Variants in ERG observed in about 807,000 individuals in gnomAD.
ERG encodes the protein ETS transcription factor ERG.
A neutral mutation model predicts 55.3 loss-of-function variants in ERG; 9 were observed. The ratio of observed to expected loss-of-function variants is 0.16; its 90% confidence interval spans 0.10 to 0.28. The LOEUF is 0.28. Among genes scored for constraint, ERG ranks in the 10% least tolerant of loss-of-function variants. The pLI is 1.00. For missense variants in ERG, 434 were observed against 631.6 expected, an observed-to-expected ratio of 0.69 and a Z score of 3.35; for synonymous variants, 223 against 237.3, an observed-to-expected ratio of 0.94 and a Z score of 0.55.
intron 2 of ERG, among the ~76,000 whole-genome samples, chr21:38,513,709 T>C (rs2059531287): frequency 6.6e-6 from 1 of 152,036 alleles, no homozygotes; most frequent in African/African-American, 2.4e-5. Context: ...TTTCTGTGGG[T>C]GAGCTTCCAT....
intron 9 of ERG, among the ~76,000 whole-genome samples, chr21:38,384,573 AT>A (rs149133938): frequency 0.033 from 5,051 of 151,652 alleles, 190 homozygotes; most frequent in African/African-American, 0.093. Flanking sequence ...AGAGCTATAT[AT>A]TTTTTTTTCC....
At chr21:38,497,224 T>TCAAATTATGAAATTAC (rs2059387129) in intron 1 of ERG, among the ~76,000 whole-genome samples, 1 of 152,200 alleles carries the variant, frequency 6.6e-6, no homozygotes, top group Non-Finnish European at 1.5e-5. Context: ...TACAAACATT[T>TCAAATTATGAAATTAC]CAAATTATGA....
At chr21:38,654,108 TTAG>T (rs1245544304) in intron 1 of ERG, among the ~76,000 whole-genome samples, 2 of 152,242 alleles carry the variant, frequency 1.3e-5, no homozygotes, top group Non-Finnish European at 2.9e-5. Flanking sequence ...TTTACAAGCC[TTAG>T]AAAACTGTAA....
chr21:38,463,655 C>T (rs1343773407), intron 1 of ERG, among the ~76,000 whole-genome samples: 1 of 152,070 alleles, frequency 6.6e-6, no homozygotes, highest in Non-Finnish European at 1.5e-5. Flanking sequence ...CTGGGTAAAT[C>T]AAAATGGTGG....
intron 1 of ERG, among the ~76,000 whole-genome samples, chr21:38,629,476 G>T (rs2060344637): frequency 6.6e-6 from 1 of 152,164 alleles, no homozygotes; most frequent in Non-Finnish European, 1.5e-5. Context: ...ACTCAAAAAT[G>T]GGCAAAGGAC....
At chr21:38,589,946 C>T (rs527904787) in intron 1 of ERG, among the ~76,000 whole-genome samples, 2 of 152,198 alleles carry the variant, frequency 1.3e-5, no homozygotes, top group Admixed American at 6.5e-5. Context: ...TCAAAAAAGT[C>T]GCTTTCAGCT....
intron 1 of ERG, among the ~76,000 whole-genome samples, chr21:38,614,953 CA>C (rs2060250012): frequency 6.6e-6 from 1 of 152,190 alleles, no homozygotes; most frequent in Non-Finnish European, 1.5e-5. Context: ...AAGTGTGTAT[CA>C]GAGGTGAAGT....
chr21:38,638,635 C>G (rs767219531), intron 1 of ERG, among the ~76,000 whole-genome samples: 4 of 152,112 alleles, frequency 2.6e-5, no homozygotes, highest in Non-Finnish European at 5.9e-5. Context: ...GTGAGGGGAC[C>G]TCCCTGCCAG....
chr21:38,488,827 A>T (rs562076445), intron 1 of ERG, among the ~76,000 whole-genome samples: 16 of 152,370 alleles, frequency 1.1e-4, no homozygotes, highest in African/African-American at 3.4e-4. Context: ...CATGTTACTC[A>T]TAGACAAGTC....
At chr21:38,655,635 A>T (rs2060514448) in intron 1 of ERG, among the ~76,000 whole-genome samples, 2 of 152,232 alleles carry the variant, frequency 1.3e-5, no homozygotes, top group African/African-American at 2.4e-5. Context: ...AGAACCATTT[A>T]ATCAGGCCAA....
chr21:38,396,374 C>T (rs546500846), intron 6 of ERG, among the ~76,000 whole-genome samples: 2 of 152,332 alleles, frequency 1.3e-5, no homozygotes, highest in African/African-American at 2.4e-5. Flanking sequence ...TGCTAAGATA[C>T]AGGCTTTACA....
At chr21:38,506,935 A>C (rs1414739287) in intron 2 of ERG, among the ~76,000 whole-genome samples, 2 of 152,068 alleles carry the variant, frequency 1.3e-5, no homozygotes, top group Admixed American at 1.3e-4. Context: ...GCAGTGTGTC[A>C]CCTGCTCGTC....
chr21:38,648,281 T>C (rs1021057474), intron 1 of ERG, among the ~76,000 whole-genome samples: 1 of 152,206 alleles, frequency 6.6e-6, no homozygotes, highest in African/African-American at 2.4e-5. Context: ...TCCCAACCTT[T>C]TGGAGAAGTA....
At chr21:38,646,006 T>C (rs1304353131) in intron 1 of ERG, among the ~76,000 whole-genome samples, 2 of 152,076 alleles carry the variant, frequency 1.3e-5, no homozygotes, top group African/African-American at 2.4e-5. Flanking sequence ...TGACTGGGTG[T>C]GGTGGCTCAC....
rs751332267 is a variant in ERG, at chr21:38,429,549, G to GTA, written c.237-5990_237-5989dup. Among the ~76,000 whole-genome samples the GTA allele has an allele frequency of 8.1e-5, 2 of 24,716 alleles. 1 individual carries two copies. The highest frequency in any genetic ancestry group is 1.9e-4 in the African/African-American group (2 of 10,536). 16.2% of individuals were successfully genotyped at this position (24,716 alleles called of 152,430 possible). ...TGCACATGTACATATATACATATGT[G>GTA]TATATGTACATGTATACACATGTAC... is the stretch of plus-strand genomic sequence containing the variant. On this transcript the variant is annotated intron_variant, in intron 2 of 9. Transcript: ENST00000288319.
chr21:38,398,915 A>G (rs762749683), intron 6 of ERG, among the ~76,000 whole-genome samples: 1 of 152,234 alleles, frequency 6.6e-6, no homozygotes, highest in Non-Finnish European at 1.5e-5. Flanking sequence ...AAACAAATAC[A>G]AAATTAAAAA....
At chr21:38,378,629 C>T (rs1360163518), downstream of ERG, among the ~76,000 whole-genome samples, 2 of 152,194 alleles carry the variant, frequency 1.3e-5, no homozygotes, top group Non-Finnish European at 2.9e-5. Context: ...TCTCATTCCC[C>T]TTGTCTCTCC....
chr21:38,622,385 C>G (rs1303800331), intron 1 of ERG, among the ~76,000 whole-genome samples: 7 of 150,290 alleles, frequency 4.7e-5, no homozygotes, highest in Non-Finnish European at 1.5e-5. Context: ...ACAGCACACA[C>G]CACACACCAC....
intron 1 of ERG, among the ~76,000 whole-genome samples, chr21:38,584,271 C>T (rs933303566): frequency 1.3e-5 from 2 of 152,206 alleles, no homozygotes; most frequent in Non-Finnish European, 2.9e-5. Context: ...CAGCTGGCCT[C>T]ATGGGCATGC....
Sources: allele counts gnomAD v4.1 joint callset (sites outside exome capture counted in the v4.1 genomes callset), GRCh38; gene constraint gnomAD v4.1.1; transcripts MANE v1.5; gene names NCBI Gene and HGNC (gene_info 2026-07-23, HGNC 2026-07-21).